The following COG6 variants were observed in gnomAD, a reference collection of about 807,000 sequenced individuals.
COG6 encodes the protein component of oligomeric golgi complex 6, also known as conserved oligomeric Golgi complex subunit 6.
COG6 carries 74 observed loss-of-function variants against 88.8 expected under a neutral mutation model. That is an observed-to-expected ratio of 0.83 (90% CI 0.69 to 1.01). The LOEUF (loss-of-function observed/expected upper bound fraction) is 1.01, where lower values mean the gene tolerates loss of function less well. COG6 is among the 50% of genes least tolerant of loss of function. The pLI is 0.00. For missense variants in COG6, 800 were observed against 797.9 expected, an observed-to-expected ratio of 1.00 and a Z score of -0.03; for synonymous variants, 286 against 278.7, an observed-to-expected ratio of 1.03 and a Z score of -0.26.
intron 13 of COG6, among the ~76,000 whole-genome samples, chr13:39,715,246 A>C (rs1211383267): frequency 1.6e-5 from 2 of 127,048 alleles, no homozygotes; most frequent in African/African-American, 6.1e-5. Context: ...TCCAAAAGAC[A>C]CTATATACTC....
At chr13:39,755,584 C>G (rs1164240762), downstream of COG6, among the ~76,000 whole-genome samples, 3 of 152,302 alleles carry the variant, frequency 2.0e-5, no homozygotes, top group Non-Finnish European at 4.4e-5. Context: ...AAAGCTCTTA[C>G]GTATTTCTGG....
chr13:39,694,737 G>A lies in COG6; in HGVS notation c.1166+12G>A. On this transcript the variant is annotated intron_variant, in intron 12 of 18. Transcript: ENST00000455146. ...CACCATACAATCAGGTAAGTAGAAT[G>A]GCAAAATGTGCTTGCTAAATCCAAT... 1 of 1,340,400 alleles carries A rather than the reference G, an allele frequency of 7.5e-7. No individual in the cohort carries two copies. Among genetic ancestry groups the A allele is most frequent in the South Asian group, 1.2e-5 (1 of 83,008 alleles). 83.0% of individuals were successfully genotyped at this position (1,340,400 alleles called of 1,614,324 possible).
exon 19 of COG6, chr13:39,790,550 T>C (rs2138198424): frequency 6.6e-6 from 1 of 152,238 alleles, no homozygotes; most frequent in African/African-American, 2.4e-5. Context: ...TCATTACTTT[T>C]CTATTTTATA....
chr13:39,744,799 T>C (rs1880249210), intron 18 of COG6, among the ~76,000 whole-genome samples: 1 of 152,062 alleles, frequency 6.6e-6, no homozygotes, highest in African/African-American at 2.4e-5. Flanking sequence ...GCCAAGACAA[T>C]CCTAAGCCAA....
rs2138196014 is a variant in COG6, at chr13:39,788,507, C to G, written c.*151C>G. Reference sequence around the variant, plus strand: ...CCCTGTCTACTCTGTGACTCTTCATCTGGTGGAAATGCTGTGAGGGATGAA... The same window carrying G: ...CCCTGTCTACTCTGTGACTCTTCATGTGGTGGAAATGCTGTGAGGGATGAA... On this transcript the variant is annotated 3_prime_UTR_variant, in exon 19 of 19. Coordinates refer to the COG6 transcript ENST00000416691. 3 of 693,380 alleles carry G rather than the reference C, an allele frequency of 4.3e-6. No homozygotes were observed. The South Asian group carries it at 5.6e-5, about 13-fold the overall frequency. The allele number at this position is 693,380 out of a possible 1,614,324, so 43.0% of individuals were successfully genotyped here.
chr13:39,666,925 T>G (rs1393753947), intron 4 of COG6, among the ~76,000 whole-genome samples: 1 of 152,170 alleles, frequency 6.6e-6, no homozygotes, highest in African/African-American at 2.4e-5. Context: ...GGAAGTACAT[T>G]ATTGGATATT....
chr13:39,683,859 A>T (rs112283224), intron 8 of COG6, among the ~76,000 whole-genome samples: 45 of 152,338 alleles, frequency 3.0e-4, no homozygotes, highest in African/African-American at 1.1e-3. Context: ...AAACTTGGAA[A>T]GGAGCAATAT....
At chr13:39,722,221 A>C (rs1275024814) in intron 15 of COG6, among the ~76,000 whole-genome samples, 1 of 151,002 alleles carries the variant, frequency 6.6e-6, no homozygotes, top group Non-Finnish European at 1.5e-5. Context: ...ACCTTCATTG[A>C]GTGTTTACCT....
rs114760168 is a variant in COG6 at position 39,746,401 on chromosome 13, C to T, written c.1827-4545C>T. Among the ~76,000 whole-genome samples, 1,184 of 152,190 alleles carry T rather than the reference C, an allele frequency of 7.8e-3. 14 individuals are homozygous for T. Among genetic ancestry groups the T allele is most frequent in the African/African-American group, 0.027 (1,112 of 41,520 alleles). Reference sequence around the variant, plus strand: ...AAGTAAAATCAAGTGCATGCCCATGCTAGAACCAGTGTTCAGCATGCACTG... The same window carrying T: ...AAGTAAAATCAAGTGCATGCCCATGTTAGAACCAGTGTTCAGCATGCACTG... On this transcript the variant is annotated intron_variant, in intron 18 of 18. Coordinates refer to ENST00000455146, the MANE Select transcript of COG6 (RefSeq NM_020751.3).
chr13:39,746,574 CTT>C (rs1297973984), intron 18 of COG6, among the ~76,000 whole-genome samples: 1 of 152,092 alleles, frequency 6.6e-6, no homozygotes, highest in Non-Finnish European at 1.5e-5. Flanking sequence ...ATCCTTGAAA[CTT>C]TTACATTTTG....
Position 39,719,704 on chromosome 13 carries a change from A to G in COG6, c.1461A>G (p.Val487=), listed in dbSNP as rs1878744592. The change falls in exon 15 of 19, where the codon GTA becomes GTG. Residue 487 remains valine, a synonymous_variant. Transcript: ENST00000455146. ...VLDPLLQMCT[V]SASNLGTADM... ...ATCCTCTCCTACAGATGTGTACTGT[A>G]TCAGCCAGCAATTTAGGCACAGCTG... The G allele has an allele frequency of 2.5e-6, 4 of 1,612,850 alleles. No individual in the cohort carries two copies. The highest frequency in any genetic ancestry group is 1.3e-5 in the African/African-American group (1 of 74,848).
At chr13:39,704,828 T>C in intron 13 of COG6, among the ~76,000 whole-genome samples, 1 of 152,180 alleles carries the variant, frequency 6.6e-6, no homozygotes, top group East Asian at 1.9e-4. Context: ...ATCATTATTG[T>C]TGTTGTTTTT....
intron 18 of COG6, among the ~76,000 whole-genome samples, chr13:39,748,381 A>G (rs1880450122): frequency 6.6e-6 from 1 of 152,192 alleles, no homozygotes; most frequent in East Asian, 1.9e-4. Flanking sequence ...TTGGGAGGCC[A>G]CAGTGGGCGG....
chr13:39,691,878 A>G (rs1876997652), intron 11 of COG6, among the ~76,000 whole-genome samples: 1 of 151,996 alleles, frequency 6.6e-6, no homozygotes, highest in Non-Finnish European at 1.5e-5. Context: ...TTTTCTAATG[A>G]CATATGATAT....
Position 39,752,074 on chromosome 13 carries a change from A to G in COG6, c.*981A>G. 7.8e-6 allele frequency: 10 copies of G among 1,285,770 alleles called. No individual in the cohort carries two copies. The highest frequency in any genetic ancestry group is 2.3e-5 in the Admixed American group (1 of 43,540). 79.6% of individuals were successfully genotyped at this position (1,285,770 alleles called of 1,614,324 possible). ...GGACTCTGACTTTAGACCATTACCT[A>G]TTAGGAAGATTAAAAATGACTGTAT... On this transcript the variant is annotated 3_prime_UTR_variant, in exon 19 of 19. Transcript: ENST00000455146.
At chr13:39,696,289 A>C (rs1012194082) in intron 12 of COG6, among the ~76,000 whole-genome samples, 2 of 151,980 alleles carry the variant, frequency 1.3e-5, no homozygotes, top group Non-Finnish European at 2.9e-5. Flanking sequence ...AACAGAGCTT[A>C]AACTTACATT....
rs1880613722 is a variant in COG6 at position 39,751,245 on chromosome 13, TCAGTAA to T, written c.*156_*161del. The T allele has an allele frequency of 6.0e-6, 9 of 1,511,784 alleles. No homozygotes were observed. The highest frequency in any genetic ancestry group is 7.9e-6 in the Non-Finnish European group (9 of 1,134,450). The allele number at this position is 1,511,784 out of a possible 1,614,324, so 93.6% of individuals were successfully genotyped here. ...CCCGATAATTTTTTTTTTTTTGGTC[TCAGTAA>T]CAGGGAAGTAAGTAACATGTTGACC... On this transcript the variant is annotated 3_prime_UTR_variant, in exon 19 of 19. Transcript: ENST00000455146.
intron 18 of COG6, among the ~76,000 whole-genome samples, chr13:39,769,563 AG>A (rs1174800937): frequency 1.3e-5 from 2 of 152,352 alleles, no homozygotes; most frequent in African/African-American, 4.8e-5. Flanking sequence ...TCTAGTACAG[AG>A]CTAGATACAC....
At chr13:39,721,902 G>C (rs1022350927) in intron 15 of COG6, among the ~76,000 whole-genome samples, 6 of 151,940 alleles carry the variant, frequency 3.9e-5, no homozygotes, top group African/African-American at 1.4e-4. Flanking sequence ...GTTTTCCCAG[G>C]ATATTTTTGG....
Sources: allele counts gnomAD v4.1 joint callset (sites outside exome capture counted in the v4.1 genomes callset), GRCh38; gene constraint gnomAD v4.1.1; transcripts MANE v1.5; gene names NCBI Gene and HGNC (gene_info 2026-07-23, HGNC 2026-07-21).